Variants in SVOPL observed in about 807,000 individuals in gnomAD.
SVOPL encodes the protein SVOP like, also known as putative transporter SVOPL.
SVOPL carries 60 observed loss-of-function variants against 61.0 expected under a neutral mutation model. That is an observed-to-expected ratio of 0.98 (90% confidence interval 0.80 to 1.22). The LOEUF (loss-of-function observed/expected upper bound fraction) is 1.22, where lower values mean the gene tolerates loss of function less well. Among genes scored for constraint, SVOPL ranks in the 50% most tolerant of loss-of-function variants. The probability of loss-of-function intolerance (pLI) is 0.00; values close to 1 mark genes in which losing one functional copy is unlikely to be tolerated. For synonymous variants in SVOPL, 279 were observed against 250.0 expected (o/e 1.12, Z -1.09); for missense variants, 662 against 643.9 (o/e 1.03, Z -0.30).
rs1381161291 is a variant in SVOPL, at chr7:138,652,866, TCCTCCCACCTCTA to T, written c.534+3569_534+3581del. Among the ~76,000 whole-genome samples, 5 of 152,126 alleles carry T rather than the reference TCCTCCCACCTCTA, an allele frequency of 3.3e-5. No homozygotes were observed. The East Asian group carries it at 7.7e-4, about 23-fold the overall frequency. ...GTCGTGAACCCCTGACCTCAGGTGA[TCCTCCCACCTCTA>T]CCTCCCAAAGTGCTGGGATTACAGG... is the stretch of plus-strand genomic sequence containing the variant. On this transcript the variant is annotated intron_variant, in intron 7 of 15. Transcript: ENST00000674285.
intron 8 of SVOPL, among the ~76,000 whole-genome samples, chr7:138,648,532 CCAAAAAAAA>C (rs1205201502): frequency 9.6e-6 from 1 of 104,058 alleles, no homozygotes; most frequent in Non-Finnish European, 1.8e-5. Context: ...TACTAAAAAT[CCAAAAAAAA>C]AAAAAAAAAA....
In SVOPL at chr7:138,689,172, G is replaced by A. The variant is rs1289176656; in HGVS notation, c.-34-10093C>T. The A allele has an allele frequency of 6.8e-6, 7 of 1,035,982 alleles. No individual in the cohort carries two copies. In the East Asian group the frequency reaches 7.2e-5, roughly 11 times the overall value. The allele number at this position is 1,035,982 out of a possible 1,614,324, so 64.2% of individuals were successfully genotyped here. ...GTGCGTACCATTCCGATGTTACAAT[G>A]GTGGAGTGGGCAGGTGTGCCCAGGC... On this transcript the variant is annotated intron_variant, in intron 1 of 15. Transcript: ENST00000674285.
intron 1 of SVOPL, among the ~76,000 whole-genome samples, chr7:138,697,915 A>C (rs1383418557): frequency 1.3e-5 from 2 of 152,142 alleles, no homozygotes; most frequent in Non-Finnish European, 2.9e-5. Flanking sequence ...TGTAAATTAT[A>C]ATTTTGAAAT....
intron 9 of SVOPL, among the ~76,000 whole-genome samples, chr7:138,630,965 AAAAAG>A (rs1252103308): frequency 1.3e-5 from 2 of 151,744 alleles, no homozygotes; most frequent in Non-Finnish European, 1.5e-5. Context: ...AAAAAAAAAA[AAAAAG>A]CAAGGAAGAG....
chr7:138,644,976 G>T, intron 8 of SVOPL, 131 bp from the exon 9 acceptor site: 2 of 1,167,278 alleles, frequency 1.7e-6, no homozygotes, highest in Non-Finnish European at 2.4e-6. Flanking sequence ...TTAAAGGCAT[G>T]CAATGTAGCA....
chr7:138,660,238 T>G, intron 5 of SVOPL: 1 of 1,196,238 alleles, frequency 8.4e-7, no homozygotes, highest in Non-Finnish European at 1.0e-6. Flanking sequence ...CCCTCATGGG[T>G]GGCAGGTCCC....
At chr7:138,638,241 C>T (rs564210526) in intron 9 of SVOPL, among the ~76,000 whole-genome samples, 59 of 135,270 alleles carry the variant, frequency 4.4e-4, no homozygotes, top group Non-Finnish European at 7.4e-4. Flanking sequence ...CCACTGTACT[C>T]TAGCCTGGGC....
Position 138,628,333 on chromosome 7 carries a change from A to G in SVOPL, c.894T>C (p.Val298=), listed in dbSNP as rs1362607235. The change falls in exon 11 of 16, where the codon GTT becomes GTC. Residue 298 remains valine, a synonymous_variant. Coordinates refer to ENST00000674285, the MANE Select transcript of SVOPL (RefSeq NM_001139456.2). Reference sequence around the variant, plus strand: ...CCAGCAGCTCAGCACTGGCCAGGATAACCCCATAGTAGGCAAAAGAGATTC... The same window carrying G: ...CCAGCAGCTCAGCACTGGCCAGGATGACCCCATAGTAGGCAAAAGAGATTC... The part of the protein sequence containing the change: ...WLGISFAYYG[V]ILASAELLER... 1 of 1,614,194 alleles carries G rather than the reference A, an allele frequency of 6.2e-7. No homozygotes were observed. The highest frequency in any genetic ancestry group is 8.5e-7 in the Non-Finnish European group (1 of 1,180,054).
intron 14 of SVOPL, among the ~76,000 whole-genome samples, chr7:138,598,332 A>G (rs1414066471): frequency 6.6e-6 from 1 of 152,220 alleles, no homozygotes; most frequent in Non-Finnish European, 1.5e-5. Flanking sequence ...TTCAAAATAC[A>G]TTTAGCAAAA....
At chr7:138,622,075 TATC>T (rs1457287431) in intron 13 of SVOPL, among the ~76,000 whole-genome samples, 6 of 71,868 alleles carry the variant, frequency 8.3e-5, no homozygotes, top group African/African-American at 3.1e-4. Context: ...TCTATGTATC[TATC>T]TATCTATCTA....
At chr7:138,636,059 G>C (rs1029454298) in intron 9 of SVOPL, among the ~76,000 whole-genome samples, 2 of 151,668 alleles carry the variant, frequency 1.3e-5, no homozygotes, top group African/African-American at 4.8e-5. Flanking sequence ...GCTGGGAGTA[G>C]CTGGGACTAC....
At chr7:138,597,780 T>G (rs769782105) in intron 14 of SVOPL, among the ~76,000 whole-genome samples, 2 of 152,162 alleles carry the variant, frequency 1.3e-5, no homozygotes, top group Non-Finnish European at 2.9e-5. Flanking sequence ...GTCTAGATTC[T>G]GTCATTATTG....
chr7:138,680,034 G>T (rs936032912), intron 1 of SVOPL, among the ~76,000 whole-genome samples: 1 of 152,136 alleles, frequency 6.6e-6, no homozygotes, highest in African/African-American at 2.4e-5. Context: ...CCAGACGCAG[G>T]CCTTGGCAAT....
rs1034104432 is a variant in SVOPL at position 138,691,064 on chromosome 7, C to T, written c.-35+10114G>A. 3.3e-5 allele frequency among the ~76,000 whole-genome samples: 5 copies of T among 152,128 alleles called. 1 individual carries two copies. The highest frequency in any genetic ancestry group is 3.4e-3 in the Middle Eastern group (1 of 294). ...TGCTGGGCTTATAGGCATGAGCCACCGCACCCAGCCTGAATTGCACTCTTT... is the reference window on the plus strand; with the variant it reads ...TGCTGGGCTTATAGGCATGAGCCACTGCACCCAGCCTGAATTGCACTCTTT... On this transcript the variant is annotated intron_variant, in intron 1 of 15. Transcript: ENST00000674285.
chr7:138,698,876 G>T (rs952334683), intron 1 of SVOPL, among the ~76,000 whole-genome samples: 2 of 152,092 alleles, frequency 1.3e-5, no homozygotes, highest in Non-Finnish European at 2.9e-5. Context: ...ACAGGCTGGG[G>T]GCGGTGGCTC....
chr7:138,674,813 G>A (rs924825981), intron 3 of SVOPL, among the ~76,000 whole-genome samples: 26 of 149,902 alleles, frequency 1.7e-4, no homozygotes, highest in African/African-American at 5.7e-4. Flanking sequence ...CCGAGATCAC[G>A]CCACTGCACT....
chr7:138,633,604 G>C (rs1044831016), intron 9 of SVOPL, among the ~76,000 whole-genome samples: 7 of 152,076 alleles, frequency 4.6e-5, no homozygotes, highest in African/African-American at 1.7e-4. Context: ...CAGTCACCCA[G>C]TCTCAGGTAT....
rs3734944 is a variant in SVOPL at position 138,621,061 on chromosome 7, T to C, written c.1338A>G (p.Ala446=). The change falls in exon 14 of 16, where the codon GCA becomes GCG. Residue 446 remains alanine, a synonymous_variant. Transcript: ENST00000674285. ...TTGGCTGTACCTGGGATATAAATGGTGCCACCATTGCACCAATGCGACACA... is the reference window on the plus strand; with the variant it reads ...TTGGCTGTACCTGGGATATAAATGGCGCCACCATTGCACCAATGCGACACA... ...GSLCRIGAMV[A]PFISQVLMSA... 493,145 of 1,611,782 alleles carry C rather than the reference T, an allele frequency of 0.31. 77,790 individuals are homozygous for C. The highest frequency in any genetic ancestry group is 0.4 in the East Asian group (17,958 of 44,744).
rs370834594 is a variant in SVOPL at position 138,649,086 on chromosome 7, T to C, written c.586A>G (p.Ile196Val). Residue 196 changes from isoleucine to valine, a missense_variant, in exon 8 of 16, where the codon ATC (isoleucine) becomes GTC (valine). Physicochemically the swap from Ile to Val is conservative, Grantham distance 29 (BLOSUM62 3). Coordinates refer to ENST00000674285, the MANE Select transcript of SVOPL (RefSeq NM_001139456.2). ...LLIIGLASVI[I>V]PTIGWRWLIR... ...AGCCAGCGCCACCCGATGGTGGGGA[T>C]GATCACAGAGGCCAAGCCAATGATG... is the stretch of plus-strand genomic sequence containing the variant. The C allele has an allele frequency of 5.6e-6, 9 of 1,612,808 alleles. No individual in the cohort carries two copies. Among genetic ancestry groups the C allele is most frequent in the Admixed American group, 5.0e-5 (3 of 59,818 alleles).
Sources: allele counts gnomAD v4.1 joint callset (sites outside exome capture counted in the v4.1 genomes callset), GRCh38; gene constraint gnomAD v4.1.1; transcripts MANE v1.5; gene names NCBI Gene and HGNC (gene_info 2026-07-23, HGNC 2026-07-21).